Variants in FGD6 observed in about 807,000 individuals in gnomAD.
FGD6 encodes the protein FYVE, RhoGEF and PH domain containing 6.
In FGD6, 90 loss-of-function variants were observed where a neutral mutation model predicts 149.4. The ratio of observed to expected loss-of-function variants is 0.60; its 90% confidence interval spans 0.51 to 0.72. The LOEUF is 0.72. Ranked by LOEUF, FGD6 falls within the 30% of genes least tolerant of loss-of-function variation. The pLI, the probability that FGD6 is intolerant of heterozygous loss-of-function variation, is 0.00. For missense variants in FGD6, 1,437 were observed against 1,684.8 expected (o/e 0.85, Z 2.57); for synonymous variants, 527 against 584.0 (o/e 0.90, Z 1.41).
chr12:95,112,496 G>A (rs1056720099), intron 9 of FGD6, among the ~76,000 whole-genome samples: 12 of 151,692 alleles, frequency 7.9e-5, no homozygotes, highest in Non-Finnish European at 1.8e-4. Flanking sequence ...GCTACTTGGG[G>A]GGCTGAGGCA....
intron 16 of FGD6, 76 bp downstream of exon 16, chr12:95,092,623 G>C (rs1878093503): frequency 1.4e-6 from 2 of 1,430,928 alleles, no homozygotes; most frequent in African/African-American, 1.4e-5. Flanking sequence ...GTTTATGAGG[G>C]GAAATATGCT....
At chr12:95,114,885 T>G (rs191914892) in intron 8 of FGD6, among the ~76,000 whole-genome samples, 1 of 152,286 alleles carries the variant, frequency 6.6e-6, no homozygotes, top group Admixed American at 6.5e-5. Flanking sequence ...TGACTAAATT[T>G]GATCTGTGCA....
chr12:95,213,344 C>A (rs1026296204), intron 1 of FGD6, among the ~76,000 whole-genome samples: 8 of 152,058 alleles, frequency 5.3e-5, no homozygotes, highest in Admixed American at 2.0e-4. Flanking sequence ...CTTGGGAGGG[C>A]AAGGTGGGAG....
chr12:95,180,091 AAAG>A (rs1322669640), intron 2 of FGD6, among the ~76,000 whole-genome samples: 2 of 151,598 alleles, frequency 1.3e-5, no homozygotes, highest in East Asian at 1.9e-4. Flanking sequence ...AAAAAAAAAA[AAAG>A]GAGGTAGATC....
At chr12:95,121,113 A>G (rs1358400121) in intron 8 of FGD6, among the ~76,000 whole-genome samples, 1 of 152,172 alleles carries the variant, frequency 6.6e-6, no homozygotes, top group Non-Finnish European at 1.5e-5. Context: ...CTCAAAAAAT[A>G]AAATAAATAA....
chr12:95,151,898 G>A (rs1349091410), intron 5 of FGD6, among the ~76,000 whole-genome samples: 3 of 151,898 alleles, frequency 2.0e-5, no homozygotes, highest in Admixed American at 2.0e-4. Flanking sequence ...TTGAAATAAA[G>A]TAACCCTAAA....
At chr12:95,169,127 T>A (rs1565914538) in intron 3 of FGD6, among the ~76,000 whole-genome samples, 1 of 152,150 alleles carries the variant, frequency 6.6e-6, no homozygotes, top group Non-Finnish European at 1.5e-5. Flanking sequence ...ATGTTCAATG[T>A]CCATAATTAG....
intron 2 of FGD6, among the ~76,000 whole-genome samples, chr12:95,185,235 T>C (rs552109259): frequency 3.0e-4 from 45 of 152,322 alleles, no homozygotes; most frequent in African/African-American, 1.1e-3. Context: ...ACTAGTTCTG[T>C]GTTTATTTTT....
At position 95,210,500 on chromosome 12, in the gene FGD6, T is replaced by C. The variant is rs2056720239; in HGVS notation, c.784A>G (p.Lys262Glu). The C allele has an allele frequency of 6.2e-7, 1 of 1,613,868 alleles. No individual in the cohort carries two copies. The highest frequency in any genetic ancestry group is 1.7e-5 in the Admixed American group (1 of 59,960). ...GATGACTGAAAGCAATTATTGCTTT[T>C]TTCACTGTCATCCTGGCAAGTTTCA... ...HFETCQDDSEKSNNCFQSSEL... is the reference protein window; with the variant it reads ...HFETCQDDSEESNNCFQSSEL... Residue 262 changes from lysine (K) to glutamate (E), a missense_variant, in exon 2 of 21, where the codon AAA becomes GAA. Lys to Glu is a moderately conservative substitution (Grantham distance 56). Transcript: ENST00000343958.
intron 2 of FGD6, among the ~76,000 whole-genome samples, chr12:95,188,148 A>G (rs1881496440): frequency 1.0e-5 from 1 of 100,364 alleles, no homozygotes; most frequent in Non-Finnish European, 2.2e-5. Context: ...TTCATTTTGC[A>G]ATATAAAGCA....
Position 95,080,388 on chromosome 12 carries a change from AG to A in FGD6, c.*1131del. The A allele has an allele frequency of 6.6e-6, 1 of 152,266 alleles. No individual in the cohort carries two copies. The highest frequency in any genetic ancestry group is 2.4e-5 in the African/African-American group (1 of 41,562). The allele number at this position is 152,266 out of a possible 1,614,324, so 9.4% of individuals were successfully genotyped here. A position where few individuals can be genotyped will look rare whatever the true frequency, so the allele number is the denominator to read the frequency against. ...GTGCAAGGTAGTTCATATGTTAAAC[AG>A]TAAGTGCACCAGAATTATGAATCTA... On this transcript the variant is annotated 3_prime_UTR_variant, in exon 21 of 21. Transcript: ENST00000343958.
chr12:95,197,810 T>C (rs7956997), intron 2 of FGD6, among the ~76,000 whole-genome samples: 22,790 of 152,188 alleles, frequency 0.15, 1,796 homozygotes, highest in African/African-American at 0.18. Context: ...ATGCCATTAA[T>C]GTCCACATGC....
intron 2 of FGD6, among the ~76,000 whole-genome samples, chr12:95,207,888 T>C (rs1030928491): frequency 6.6e-6 from 1 of 152,170 alleles, no homozygotes; most frequent in Non-Finnish European, 1.5e-5. Flanking sequence ...GGGTGGATTA[T>C]TGAGGATGGG....
intron 3 of FGD6, among the ~76,000 whole-genome samples, chr12:95,161,395 C>T (rs1880637717): frequency 6.6e-6 from 1 of 152,076 alleles, no homozygotes; most frequent in South Asian, 2.1e-4. Flanking sequence ...ACTAGGTAGC[C>T]TAAGGCAGGA....
intron 2 of FGD6, among the ~76,000 whole-genome samples, chr12:95,176,017 T>C (rs994818053): frequency 2.6e-5 from 4 of 152,288 alleles, no homozygotes; most frequent in African/African-American, 7.2e-5. Context: ...ACATTTTACA[T>C]GTTCATTTCT....
chr12:95,160,663 A>G lies in FGD6; in HGVS notation c.2587-7670T>C, dbSNP rs190693591. ...AATTTGTGAAACAAAGAACAATGTA[A>G]AGTCAATCAAACAGCTTATGATATT... is the stretch of plus-strand genomic sequence containing the variant. On this transcript the variant is annotated intron_variant, in intron 3 of 20. Coordinates refer to ENST00000343958, the MANE Select transcript of FGD6 (RefSeq NM_018351.4). 5.9e-5 allele frequency among the ~76,000 whole-genome samples: 9 copies of G among 152,328 alleles called. No individual in the cohort carries two copies. In the East Asian group the frequency reaches 1.7e-3, roughly 29 times the overall value.
intron 3 of FGD6, among the ~76,000 whole-genome samples, chr12:95,168,288 C>A (rs1880883430): frequency 6.6e-6 from 1 of 152,092 alleles, no homozygotes; most frequent in South Asian, 2.1e-4. Flanking sequence ...AAAAGCCAAG[C>A]CAGAAACAAT....
chr12:95,094,900 C>T (rs947728042), intron 14 of FGD6, among the ~76,000 whole-genome samples: 1 of 152,152 alleles, frequency 6.6e-6, no homozygotes, highest in Non-Finnish European at 1.5e-5. Context: ...TTAGCAAATA[C>T]AATGCTTATT....
chr12:95,165,580 C>G (rs368286915), intron 3 of FGD6, among the ~76,000 whole-genome samples: 1 of 151,394 alleles, frequency 6.6e-6, no homozygotes, highest in African/African-American at 2.4e-5. Context: ...TCAGGTGATC[C>G]GCCAGCCTCA....
Sources: gnomAD v4.1 joint callset for allele counts (sites outside exome capture counted in the v4.1 genomes callset) on GRCh38, gnomAD v4.1.1 for gene constraint, MANE v1.5 for transcripts, NCBI Gene and HGNC (gene_info 2026-07-23, HGNC 2026-07-21) for gene names.